Variants in C12orf42 observed in about 807,000 individuals in gnomAD.
The protein encoded by C12orf42 is chromosome 12 open reading frame 42.
A neutral mutation model predicts 21.6 loss-of-function variants in C12orf42; 25 were observed. The observed-to-expected ratio is 1.16, with a 90% confidence interval of 0.84 to 1.62. The LOEUF (loss-of-function observed/expected upper bound fraction) is 1.62, where lower values mean the gene tolerates loss of function less well. C12orf42 is among the 40% of genes most tolerant of loss of function. C12orf42 has a pLI of 0.00. For synonymous variants in C12orf42, 174 were observed against 175.0 expected, an observed-to-expected ratio of 0.99 and a Z score of 0.05; for missense variants, 483 against 459.3, an observed-to-expected ratio of 1.05 and a Z score of -0.47.
the C12orf42 span, among the ~76,000 whole-genome samples, chr12:103,150,552 T>C: frequency 0.3 from 45,141 of 152,068 alleles, 7,098 homozygotes; most frequent in East Asian, 0.4. Flanking sequence ...GACAATGTTA[T>C]TATTCCTTTT....
At chr12:103,556,148 C>T in the C12orf42 span, among the ~76,000 whole-genome samples, 2 of 152,132 alleles carry the variant, frequency 1.3e-5, no homozygotes, top group Non-Finnish European at 2.9e-5. Context: ...GAGTCACCCA[C>T]CCCTGGGTTC....
the C12orf42 span, among the ~76,000 whole-genome samples, chr12:103,144,461 T>G: frequency 1.2e-4 from 18 of 152,142 alleles, no homozygotes; most frequent in Admixed American, 9.8e-4. Flanking sequence ...TTGAAATGCA[T>G]GAGGTAAGTC....
At chr12:103,429,453 C>T (rs1333999452) in intron 2 of C12orf42, among the ~76,000 whole-genome samples, 2 of 152,112 alleles carry the variant, frequency 1.3e-5, no homozygotes, top group Non-Finnish European at 2.9e-5. Flanking sequence ...CAAACCATTG[C>T]TCAAGGAAAT....
chr12:103,310,637 T>C (rs1251929202), intron 4 of C12orf42, among the ~76,000 whole-genome samples: 3 of 152,206 alleles, frequency 2.0e-5, no homozygotes, highest in African/African-American at 7.2e-5. Context: ...CCCCAGAACA[T>C]GATTTTATAA....
chr12:103,365,774 G>T (rs1450187806), intron 4 of C12orf42, among the ~76,000 whole-genome samples: 1 of 151,952 alleles, frequency 6.6e-6, no homozygotes, highest in East Asian at 1.9e-4. Context: ...AACCAAGGAG[G>T]TGAAAGACCT....
chr12:103,368,268 A>G (rs1200764473), intron 4 of C12orf42, among the ~76,000 whole-genome samples: 11 of 150,842 alleles, frequency 7.3e-5, no homozygotes, highest in Admixed American at 6.6e-4. Context: ...TCATCCTTCT[A>G]CTATTCTCTC....
chr12:103,345,056 T>C (rs1310567846), intron 4 of C12orf42, among the ~76,000 whole-genome samples: 1 of 152,212 alleles, frequency 6.6e-6, no homozygotes, highest in Non-Finnish European at 1.5e-5. Context: ...CTCTGATCTT[T>C]ATAAGCACTG....
At chr12:103,482,027 T>C (rs1232139875) in intron 1 of C12orf42, among the ~76,000 whole-genome samples, 3 of 152,116 alleles carry the variant, frequency 2.0e-5, no homozygotes, top group Non-Finnish European at 4.4e-5. Flanking sequence ...AAAGCTGTTG[T>C]TGTCCAATAT....
chr12:103,450,339 T>C (rs1456018754), intron 2 of C12orf42, among the ~76,000 whole-genome samples: 1 of 152,264 alleles, frequency 6.6e-6, no homozygotes, highest in African/African-American at 2.4e-5. Flanking sequence ...TATGTACTAA[T>C]TGATTTTCTA....
chr12:103,425,169 A>T (rs1416839209), intron 2 of C12orf42, among the ~76,000 whole-genome samples: 2 of 152,200 alleles, frequency 1.3e-5, no homozygotes, highest in Non-Finnish European at 2.9e-5. Context: ...TCTCTGAAAG[A>T]AAGGCAGAAG....
chr12:103,201,243 A>G, the C12orf42 span, among the ~76,000 whole-genome samples: 1 of 152,116 alleles, frequency 6.6e-6, no homozygotes, highest in African/African-American at 2.4e-5. Context: ...TACTTTTCAG[A>G]TGTAACGGTT....
At chr12:103,126,896 C>T in the C12orf42 span, among the ~76,000 whole-genome samples, 2 of 151,956 alleles carry the variant, frequency 1.3e-5, no homozygotes, top group Non-Finnish European at 2.9e-5. Context: ...TAATGGCATC[C>T]AAATGAAAAT....
intron 1 of C12orf42, among the ~76,000 whole-genome samples, chr12:103,485,452 T>C (rs10861026): frequency 0.23 from 34,221 of 152,084 alleles, 4,623 homozygotes; most frequent in African/African-American, 0.37. Flanking sequence ...CTTGGCAATG[T>C]GGGCTCTTTT....
At chr12:103,296,207 G>T in intron 4 of C12orf42, among the ~76,000 whole-genome samples, 1 of 151,772 alleles carries the variant, frequency 6.6e-6, no homozygotes, top group Non-Finnish European at 1.5e-5. Context: ...CATTTTTTAT[G>T]GCTGCATAGT....
chr12:103,319,759 C>T (rs73185855), intron 4 of C12orf42, among the ~76,000 whole-genome samples: 22,284 of 152,166 alleles, frequency 0.15, 1,862 homozygotes, highest in Middle Eastern at 0.25. Flanking sequence ...TTGGTTGGTG[C>T]GACATTGTTT....
At chr12:103,370,503 G>C (rs1202124815) in intron 3 of C12orf42, among the ~76,000 whole-genome samples, 3 of 152,072 alleles carry the variant, frequency 2.0e-5, no homozygotes, top group South Asian at 4.1e-4. Context: ...TGTTGGACTG[G>C]ATAAAGAAAA....
At chr12:103,422,128 T>G (rs2049969361) in intron 2 of C12orf42, among the ~76,000 whole-genome samples, 1 of 152,164 alleles carries the variant, frequency 6.6e-6, no homozygotes, top group Admixed American at 6.5e-5. Flanking sequence ...AAAGCCCTAT[T>G]TTTGAACAAT....
intron 4 of C12orf42, among the ~76,000 whole-genome samples, chr12:103,356,990 T>C (rs1377817256): frequency 5.9e-5 from 9 of 151,966 alleles, no homozygotes; most frequent in African/African-American, 1.7e-4. Context: ...GTTCATGTCC[T>C]TTGTAGGGAC....
At chr12:103,357,286 T>TA (rs1278939040) in intron 4 of C12orf42, among the ~76,000 whole-genome samples, 1 of 150,792 alleles carries the variant, frequency 6.6e-6, no homozygotes, top group African/African-American at 2.5e-5. Flanking sequence ...CCCTAAAACT[T>TA]AAAGTATAAT....
Sources: gnomAD v4.1 joint callset for allele counts (sites outside exome capture counted in the v4.1 genomes callset) on GRCh38, gnomAD v4.1.1 for gene constraint, MANE v1.5 for transcripts, NCBI Gene and HGNC (gene_info 2026-07-23, HGNC 2026-07-21) for gene names.